The following ADGRB3 variants were observed in gnomAD, a reference collection of about 807,000 sequenced individuals.
ADGRB3 encodes brain-specific angiogenesis inhibitor 3.
In ADGRB3, 37 loss-of-function variants were observed where a neutral mutation model predicts 193.4. The ratio of observed to expected loss-of-function variants is 0.19; its 90% CI spans 0.15 to 0.25. The LOEUF is 0.25. Among genes scored for constraint, ADGRB3 ranks in the 10% least tolerant of loss-of-function variants. ADGRB3 has a pLI of 1.00. For synonymous variants in ADGRB3, 690 were observed against 644.2 expected (o/e 1.07, Z -1.08); for missense variants, 1,637 against 1,852.9 (o/e 0.88, Z 2.14).
chr6:68,869,652 G>A (rs185487644), intron 3 of ADGRB3, among the ~76,000 whole-genome samples: 465 of 152,138 alleles, frequency 3.1e-3, no homozygotes, highest in Middle Eastern at 0.014. Context: ...CAATTTATTT[G>A]TAGTTATGGA....
intron 20 of ADGRB3, among the ~76,000 whole-genome samples, 166 bp downstream of exon 20, chr6:69,239,392 G>C (rs983988732): frequency 6.6e-6 from 1 of 151,924 alleles, no homozygotes; most frequent in African/African-American, 2.4e-5. Flanking sequence ...GTCTATTCCA[G>C]TTCAGAATGT....
intron 13 of ADGRB3, among the ~76,000 whole-genome samples, chr6:69,037,340 C>T (rs1012528304): frequency 4.6e-5 from 7 of 152,132 alleles, no homozygotes; most frequent in African/African-American, 1.7e-4. Context: ...CTTGCATGAT[C>T]ATTTATTTAT....
At chr6:69,106,010 C>A (rs1456598868) in intron 17 of ADGRB3, among the ~76,000 whole-genome samples, 1 of 151,342 alleles carries the variant, frequency 6.6e-6, no homozygotes, top group East Asian at 1.9e-4. Flanking sequence ...GTGGCTCGTG[C>A]CTGTAATCTG....
In ADGRB3 at chr6:68,894,778, T is replaced by C. The variant is rs1766173643; in HGVS notation, c.758-35781T>C. On this transcript the variant is annotated intron_variant, in intron 3 of 31. Coordinates refer to ENST00000370598, the MANE Select transcript of ADGRB3 (RefSeq NM_001704.3). Reference sequence around the variant, plus strand: ...TGCGGTGAGCCCAGTAATTTTGGCATAAACATTTCACTTAAAATCATGAGT... The same window carrying C: ...TGCGGTGAGCCCAGTAATTTTGGCACAAACATTTCACTTAAAATCATGAGT... Among the ~76,000 whole-genome samples the C allele has an allele frequency of 2.0e-5, 3 of 152,094 alleles. No homozygotes were observed. In the South Asian group the frequency reaches 6.2e-4, roughly 32 times the overall value.
rs150521119 is a variant in ADGRB3 at position 68,845,966 on chromosome 6, C to G, written c.758-84593C>G. Among the ~76,000 whole-genome samples the G allele has an allele frequency of 3.7e-4, 56 of 152,206 alleles. 1 individual carries two copies. The East Asian group carries it at 0.01, about 28-fold the overall frequency. The stretch of plus-strand genomic sequence containing the variant: ...AAAATGTGGGAAAGTTTAGAACTTC[C>G]TAGAGACTTGTTGAATGTTTTTGAC... On this transcript the variant is annotated intron_variant, in intron 3 of 31. Coordinates refer to ENST00000370598, the MANE Select transcript of ADGRB3 (RefSeq NM_001704.3).
At chr6:69,143,910 C>A (rs991830308) in intron 17 of ADGRB3, among the ~76,000 whole-genome samples, 1 of 152,098 alleles carries the variant, frequency 6.6e-6, no homozygotes, top group African/African-American at 2.4e-5. Context: ...TTTTCTATTT[C>A]TGTGAAGAAT....
chr6:68,755,123 G>A (rs549359510), intron 3 of ADGRB3, among the ~76,000 whole-genome samples: 3 of 152,324 alleles, frequency 2.0e-5, no homozygotes, highest in South Asian at 4.1e-4. Flanking sequence ...AGGCATTAAT[G>A]AAAGTAAAGC....
chr6:69,140,852 A>G (rs1774317040), intron 17 of ADGRB3, among the ~76,000 whole-genome samples: 1 of 152,092 alleles, frequency 6.6e-6, no homozygotes, highest in Admixed American at 6.5e-5. Flanking sequence ...TAGAGTTAAG[A>G]GTAATTCATT....
chr6:69,252,949 G>C (rs188600717), intron 20 of ADGRB3, among the ~76,000 whole-genome samples: 1 of 151,720 alleles, frequency 6.6e-6, no homozygotes, highest in African/African-American at 2.4e-5. Flanking sequence ...TCTATGTCTC[G>C]AACAAAATTA....
At chr6:68,661,859 C>T (rs1768670590) in intron 3 of ADGRB3, among the ~76,000 whole-genome samples, 1 of 150,854 alleles carries the variant, frequency 6.6e-6, no homozygotes. Context: ...TTAATGGGAC[C>T]ATGATGAGGC....
chr6:69,262,134 T>C (rs1766944166), intron 20 of ADGRB3, among the ~76,000 whole-genome samples: 1 of 152,104 alleles, frequency 6.6e-6, no homozygotes, highest in South Asian at 2.1e-4. Flanking sequence ...GTCCAAGCTA[T>C]ACTGGCTTTA....
intron 3 of ADGRB3, among the ~76,000 whole-genome samples, chr6:68,870,294 C>A (rs1325954947): frequency 6.6e-6 from 1 of 152,170 alleles, no homozygotes. Flanking sequence ...AAGTCACCAA[C>A]TGGTGGCTCA....
At chr6:68,941,350 A>T (rs1357012916) in intron 5 of ADGRB3, among the ~76,000 whole-genome samples, 1 of 152,180 alleles carries the variant, frequency 6.6e-6, no homozygotes, top group African/African-American at 2.4e-5. Flanking sequence ...AATGAAAAAA[A>T]ATCTTTTTTA....
intron 13 of ADGRB3, among the ~76,000 whole-genome samples, chr6:69,043,316 G>GAAAGAAAGAAAGAAAGAAAGAAAGA (rs1333710866): frequency 6.6e-6 from 1 of 150,602 alleles, no homozygotes; most frequent in Non-Finnish European, 1.5e-5. Context: ...AAGAAAGAAA[G>GAAAGAAAGAAAGAAAGAAAGAAAGA]AAAGAAAGAA....
At chr6:68,676,389 C>CAAAAAAAA (rs70987431) in intron 3 of ADGRB3, among the ~76,000 whole-genome samples, 6 of 84,616 alleles carry the variant, frequency 7.1e-5, no homozygotes, top group African/African-American at 9.8e-5. Flanking sequence ...GACTCTGTCT[C>CAAAAAAAA]AAAAAAAAAA....
chr6:69,277,769 C>T (rs988372103), intron 20 of ADGRB3, among the ~76,000 whole-genome samples: 2 of 152,134 alleles, frequency 1.3e-5, no homozygotes, highest in South Asian at 4.1e-4. Flanking sequence ...TCCCTGACTC[C>T]ACCACTTGCC....
intron 13 of ADGRB3, among the ~76,000 whole-genome samples, chr6:69,035,326 T>A (rs765361649): frequency 1.3e-4 from 19 of 150,416 alleles, no homozygotes; most frequent in Non-Finnish European, 2.1e-4. Context: ...GTTCTCCCTA[T>A]TTTGAAAAAG....
intron 3 of ADGRB3, among the ~76,000 whole-genome samples, chr6:68,877,886 TA>T (rs1765635525): frequency 6.6e-6 from 1 of 152,038 alleles, no homozygotes; most frequent in Non-Finnish European, 1.5e-5. Context: ...TTTCTTTTTT[TA>T]AAAAATGAGG....
intron 10 of ADGRB3, among the ~76,000 whole-genome samples, chr6:68,983,300 C>A (rs930221078): frequency 3.4e-4 from 51 of 151,570 alleles, no homozygotes; most frequent in African/African-American, 1.2e-3. Context: ...CCAAAGTATG[C>A]CTTTAGTGTG....
Sources: allele counts gnomAD v4.1 joint callset (sites outside exome capture counted in the v4.1 genomes callset), GRCh38; gene constraint gnomAD v4.1.1; transcripts MANE v1.5; gene names NCBI Gene and HGNC (gene_info 2026-07-23, HGNC 2026-07-21).